OSBPL9: variants seen among roughly 807,000 people sequenced by gnomAD.
OSBPL9 encodes the protein oxysterol binding protein like 9, also known as oxysterol-binding protein-related protein 9.
OSBPL9 carries 40 observed loss-of-function variants against 106.6 expected under a neutral mutation model. The ratio of observed to expected loss-of-function variants is 0.38; its 90% CI spans 0.29 to 0.49. The LOEUF (loss-of-function observed/expected upper bound fraction) is 0.49. OSBPL9 is among the 20% of genes least tolerant of loss of function. The pLI is 0.97. For missense variants in OSBPL9, 609 were observed against 887.2 expected, an observed-to-expected ratio of 0.69 and a Z score of 3.98; for synonymous variants, 269 against 295.4, an observed-to-expected ratio of 0.91 and a Z score of 0.92.
chr1:51,785,951 GCTTCCTTCATTAGTA>G, intron 21 of OSBPL9, 65 bp downstream of exon 21: 1 of 1,355,834 alleles, frequency 7.4e-7, no homozygotes, highest in Non-Finnish European at 1.0e-6. Context: ...CCTTTTTCTG[GCTTCCTTCATTAGTA>G]CTTCCTTCAT....
intron 2 of OSBPL9, among the ~76,000 whole-genome samples, chr1:51,602,776 T>TA (rs1357831601): frequency 4.6e-5 from 7 of 152,194 alleles, no homozygotes; most frequent in Non-Finnish European, 1.0e-4. Context: ...GAGCAAATCT[T>TA]ACTTCTTTCT....
At chr1:51,524,471 A>T in the OSBPL9 span, among the ~76,000 whole-genome samples, 1 of 152,200 alleles carries the variant, frequency 6.6e-6, no homozygotes, top group South Asian at 2.1e-4. Flanking sequence ...CTACCTGCTC[A>T]TGCTATTACA....
At chr1:51,712,652 A>G (rs116674781) in intron 3 of OSBPL9, among the ~76,000 whole-genome samples, 40 of 152,300 alleles carry the variant, frequency 2.6e-4, no homozygotes, top group Non-Finnish European at 4.4e-4. Flanking sequence ...AACCCTAAAA[A>G]TAAAAAAGGA....
At chr1:51,661,776 C>CA (rs1557655048) in intron 2 of OSBPL9, among the ~76,000 whole-genome samples, 4 of 151,900 alleles carry the variant, frequency 2.6e-5, no homozygotes, top group East Asian at 3.9e-4. Flanking sequence ...CAGATATAAT[C>CA]AAAAAAATAC....
In OSBPL9 at chr1:51,617,140, C is replaced by G; in HGVS notation, c.30C>G (p.Ser10Arg). MASIMEGPLSKWTNVMKGWQ... is the reference protein window; with the variant it reads MASIMEGPLRKWTNVMKGWQ... ...CGTCCATCATGGAAGGGCCGCTGAG[C>G]AAATGGACTAACGTGATGAAGGGCT... The change falls in exon 1 of 24, where the codon AGC becomes AGG. Residue 10 changes from serine to arginine, a missense_variant. Coordinates refer to ENST00000428468, the MANE Select transcript of OSBPL9 (RefSeq NM_024586.6). The G allele has an allele frequency of 6.2e-7, 1 of 1,613,448 alleles. No homozygotes were observed. The highest frequency in any genetic ancestry group is 1.1e-5 in the South Asian group (1 of 90,858).
At chr1:51,552,979 A>G in the OSBPL9 span, among the ~76,000 whole-genome samples, 1 of 151,404 alleles carries the variant, frequency 6.6e-6, no homozygotes, top group South Asian at 2.1e-4. Flanking sequence ...AAAAAAAAAC[A>G]AACTTTTTTT....
At chr1:51,532,249 G>A in the OSBPL9 span, among the ~76,000 whole-genome samples, 13 of 152,278 alleles carry the variant, frequency 8.5e-5, no homozygotes, top group East Asian at 2.5e-3. Context: ...ACCTAGTAAG[G>A]GATACAGAGT....
intron 1 of OSBPL9, among the ~76,000 whole-genome samples, chr1:51,597,076 C>T (rs1392149409): frequency 6.6e-6 from 1 of 152,082 alleles, no homozygotes; most frequent in African/African-American, 2.4e-5. Context: ...CAAGAAGAGG[C>T]AACAAGTGCA....
At chr1:51,701,599 C>CT (rs1008433022) in intron 3 of OSBPL9, among the ~76,000 whole-genome samples, 28 of 149,386 alleles carry the variant, frequency 1.9e-4, no homozygotes, top group East Asian at 7.9e-4. Context: ...GTATATGGTT[C>CT]TTTTTTTTTG....
intron 8 of OSBPL9, among the ~76,000 whole-genome samples, chr1:51,751,446 T>G (rs1299661383): frequency 6.6e-6 from 1 of 152,078 alleles, no homozygotes; most frequent in East Asian, 1.9e-4. Context: ...CCTATGTATG[T>G]GTCTAAATTT....
chr1:51,740,350 G>T, intron 4 of OSBPL9: 1 of 1,124,246 alleles, frequency 8.9e-7, no homozygotes, highest in Non-Finnish European at 1.2e-6. Flanking sequence ...TTACATTCCT[G>T]CTAAGTTTTC....
chr1:51,756,625 C>T (rs1670395905), intron 9 of OSBPL9: 1 of 371,630 alleles, frequency 2.7e-6, no homozygotes, highest in East Asian at 4.4e-5. Context: ...TATGAATACT[C>T]AGCTTTTACA....
intron 2 of OSBPL9, among the ~76,000 whole-genome samples, chr1:51,652,282 G>T (rs1322247342): frequency 6.6e-6 from 1 of 152,162 alleles, no homozygotes; most frequent in African/African-American, 2.4e-5. Flanking sequence ...TGCATGTTCT[G>T]ATTTTCTTAA....
chr1:51,565,825 C>G, the OSBPL9 span: 1 of 152,262 alleles, frequency 6.6e-6, no homozygotes, highest in Non-Finnish European at 1.5e-5. Context: ...CTTTTGGGCT[C>G]TCACTGGCTT....
intron 1 of OSBPL9, among the ~76,000 whole-genome samples, chr1:51,622,408 A>G (rs1257670147): frequency 2.0e-5 from 3 of 152,236 alleles, no homozygotes; most frequent in African/African-American, 7.2e-5. Context: ...CACTGGATTT[A>G]GTTATCTATT....
In OSBPL9 at chr1:51,740,315, C is replaced by T. The variant is rs1441191673; in HGVS notation, c.319-5221C>T. The T allele has an allele frequency of 3.9e-6, 5 of 1,268,528 alleles. No homozygotes were observed. In the African/African-American group the frequency reaches 6.3e-5, roughly 16 times the overall value. The allele number at this position is 1,268,528 out of a possible 1,614,324, so 78.6% of individuals were successfully genotyped here. A position where few individuals can be genotyped will look rare whatever the true frequency, so the allele number is the denominator to read the frequency against. ...TTGCTAATTGTGAACATAAACTTTC[C>T]AATATTCTCATATTTTAATCAAAAT... On this transcript the variant is annotated intron_variant, in intron 4 of 23. Transcript: ENST00000428468.
chr1:51,657,594 G>A (rs1646892392), intron 2 of OSBPL9, among the ~76,000 whole-genome samples: 3 of 152,302 alleles, frequency 2.0e-5, no homozygotes, highest in South Asian at 2.1e-4. Context: ...GTCATTATAA[G>A]GTAGTGTCAA....
In OSBPL9 at chr1:51,788,231, C is replaced by A. The variant is rs1678175197; in HGVS notation, c.*442C>A. The A allele has an allele frequency of 6.5e-6, 1 of 153,836 alleles. No homozygotes were observed. Among genetic ancestry groups the A allele is most frequent in the African/African-American group, 2.4e-5 (1 of 41,410 alleles). The allele number at this position is 153,836 out of a possible 1,614,324, so 9.5% of individuals were successfully genotyped here. On this transcript the variant is annotated 3_prime_UTR_variant, in exon 24 of 24. Transcript: ENST00000428468. The stretch of plus-strand genomic sequence containing the variant: ...ACATATATATAAATATACCTGATGC[C>A]AGATTTTTTTCATAAATATTCTGCC...
intron 4 of OSBPL9, among the ~76,000 whole-genome samples, chr1:51,737,565 TG>T (rs1665984046): frequency 6.6e-6 from 1 of 151,534 alleles, no homozygotes; most frequent in African/African-American, 2.4e-5. Flanking sequence ...TGTGTGTGTG[TG>T]TGTGTGTGTG....
Sources: allele counts gnomAD v4.1 joint callset (sites outside exome capture counted in the v4.1 genomes callset), GRCh38; gene constraint gnomAD v4.1.1; transcripts MANE v1.5; gene names NCBI Gene and HGNC (gene_info 2026-07-23, HGNC 2026-07-21).